The following USP31 variants were observed in gnomAD, a reference collection of about 807,000 sequenced individuals.
USP31 encodes the protein ubiquitin specific peptidase 31.
In USP31, 44 loss-of-function variants were observed where a neutral mutation model predicts 119.4. The ratio of observed to expected loss-of-function variants is 0.37; its 90% confidence interval spans 0.29 to 0.47. The LOEUF is 0.47. Among genes scored for constraint, USP31 ranks in the 20% least tolerant of loss-of-function variants. USP31 has a pLI of 0.99. For missense variants in USP31, 1,643 were observed against 1,730.2 expected, an observed-to-expected ratio of 0.95 and a Z score of 0.89; for synonymous variants, 749 against 705.6, an observed-to-expected ratio of 1.06 and a Z score of -0.97.
chr16:23,070,244 C>T (rs78804854), intron 15 of USP31, among the ~76,000 whole-genome samples: 3,778 of 152,282 alleles, frequency 0.025, 58 homozygotes, highest in African/African-American at 0.04. Context: ...CAAGATTACA[C>T]AACTCATTAA....
rs558266435 is a variant in USP31 at position 23,127,248 on chromosome 16, T to C, written c.634-19065A>G. On this transcript the variant is annotated intron_variant, in intron 1 of 15. Transcript: ENST00000219689. ...TTCGAGACCAGCCTGGGCAACATAGTGAAACAGTATCTCTACAAAAAATAA... is the reference window on the plus strand; with the variant it reads ...TTCGAGACCAGCCTGGGCAACATAGCGAAACAGTATCTCTACAAAAAATAA... Among the ~76,000 whole-genome samples the C allele has an allele frequency of 2.7e-4, 41 of 151,906 alleles. 2 individuals carry two copies. The East Asian group carries it at 7.8e-3, about 29-fold the overall frequency.
chr16:23,074,755 T>G (rs1055219415), intron 13 of USP31, among the ~76,000 whole-genome samples: 3 of 152,220 alleles, frequency 2.0e-5, no homozygotes, highest in African/African-American at 7.2e-5. Flanking sequence ...GAGCTAGAAA[T>G]AAAGAACATT....
chr16:23,116,909 G>A (rs1902502330), intron 1 of USP31, among the ~76,000 whole-genome samples: 1 of 152,330 alleles, frequency 6.6e-6, no homozygotes, highest in South Asian at 2.1e-4. Flanking sequence ...TTTGGCCACA[G>A]AGAAAAGCAT....
rs867687794 is a variant in USP31 at position 23,062,761 on chromosome 16, T to C, written c.*5285A>G. The C allele has an allele frequency of 1.3e-5, 2 of 152,594 alleles. No homozygotes were observed. Among genetic ancestry groups the C allele is most frequent in the East Asian group, 3.8e-4 (2 of 5,202 alleles). 9.5% of individuals were successfully genotyped at this position (152,594 alleles called of 1,614,324 possible). On this transcript the variant is annotated 3_prime_UTR_variant, in exon 16 of 16. Transcript: ENST00000219689. ...GGCGAGTGCTAGGCCATTCACAACA[T>C]GGTCCAAGCTCCCCAACTGGGCCTT... is the stretch of plus-strand genomic sequence containing the variant.
intron 1 of USP31, among the ~76,000 whole-genome samples, chr16:23,117,046 G>T (rs1003115528): frequency 1.3e-5 from 2 of 152,146 alleles, no homozygotes; most frequent in Non-Finnish European, 2.9e-5. Flanking sequence ...TCCCAAATTT[G>T]AAAATTCAAA....
chr16:23,139,753 T>TCATA (rs1439969546), intron 1 of USP31, among the ~76,000 whole-genome samples: 3 of 152,212 alleles, frequency 2.0e-5, no homozygotes, highest in Admixed American at 2.0e-4. Context: ...AGTGGGAAGG[T>TCATA]CATATCCTAT....
chr16:23,093,916 C>G lies in USP31; in HGVS notation c.1235-3112G>C, dbSNP rs536767331. 9.5e-4 allele frequency among the ~76,000 whole-genome samples: 145 copies of G among 152,320 alleles called. 1 individual carries two copies. The highest frequency in any genetic ancestry group is 3.4e-3 in the Middle Eastern group (1 of 294). On this transcript the variant is annotated intron_variant, in intron 6 of 15. Transcript: ENST00000219689. The stretch of plus-strand genomic sequence containing the variant: ...GAACAGGAACAGCTCTGGTCTGCAG[C>G]TCCCAGCATGATCGATGCAGAAGAT...
At chr16:23,139,328 G>A (rs142264652) in intron 1 of USP31, among the ~76,000 whole-genome samples, 123 of 152,246 alleles carry the variant, frequency 8.1e-4, no homozygotes, top group African/African-American at 2.9e-3. Flanking sequence ...CTTGAACCTA[G>A]GAGGCAGAGA....
chr16:23,069,572 T>C lies in USP31; in HGVS notation c.2533A>G (p.Ser845Gly), dbSNP rs1236242968. Residue 845 changes from serine (S) to glycine (G), a missense_variant, in exon 16 of 16, where the codon AGT becomes GGT. By Grantham distance (56) the Ser-to-Gly change is moderately conservative. Transcript: ENST00000219689. ...RPFVRSVQRQSLSSRSSVTSP... is the reference protein window; with the variant it reads ...RPFVRSVQRQGLSSRSSVTSP... ...GTGACAGAAGATCTGGATGACAAAC[T>C]CTGACGCTGGACACTTCTCACAAAT... 5 of 1,613,552 alleles carry C rather than the reference T, an allele frequency of 3.1e-6. No homozygotes were observed. The highest frequency in any genetic ancestry group is 4.2e-6 in the Non-Finnish European group (5 of 1,179,494).
intron 1 of USP31, among the ~76,000 whole-genome samples, chr16:23,119,827 G>A (rs1567242505): frequency 6.6e-6 from 1 of 152,138 alleles, no homozygotes; most frequent in South Asian, 2.1e-4. Flanking sequence ...GCTAGAGAAA[G>A]CAAACACACC....
intron 1 of USP31, among the ~76,000 whole-genome samples, chr16:23,130,010 A>T (rs1007092084): frequency 6.6e-6 from 1 of 152,184 alleles, no homozygotes; most frequent in East Asian, 1.9e-4. Context: ...GGCACTTTAC[A>T]TACATTTCTC....
At chr16:23,100,925 G>C (rs1901825538) in intron 6 of USP31, among the ~76,000 whole-genome samples, 1 of 152,098 alleles carries the variant, frequency 6.6e-6, no homozygotes, top group Admixed American at 6.6e-5. Flanking sequence ...CTGAGAAACA[G>C]AGTAACCTGA....
chr16:23,070,671 G>A (rs1223239710), intron 15 of USP31, among the ~76,000 whole-genome samples: 3 of 151,232 alleles, frequency 2.0e-5, no homozygotes, highest in South Asian at 2.1e-4. Flanking sequence ...CCGAGATCGC[G>A]CCACTACACT....
Position 23,148,680 on chromosome 16 carries a change from G to A in USP31, c.591C>T (p.Leu197=). ...TEQLAHLVRA[L]WTLEYTPQHS... ...GCTGCGGGGTGTACTCCAGGGTCCA[G>A]AGGGCCCGCACCAGGTGCGCCAGCT... The change falls in exon 1 of 16, where the codon CTC becomes CTT. Residue 197 remains leucine (L), a synonymous_variant. Transcript: ENST00000219689. 1 of 1,495,784 alleles carries A rather than the reference G, an allele frequency of 6.7e-7. No individual in the cohort carries two copies. Among genetic ancestry groups the A allele is most frequent in the East Asian group, 2.9e-5 (1 of 34,220 alleles). 92.7% of individuals were successfully genotyped at this position (1,495,784 alleles called of 1,614,324 possible). A position where few individuals can be genotyped will look rare whatever the true frequency, so the allele number is the denominator to read the frequency against.
Position 23,068,972 on chromosome 16 carries a change from C to G in USP31, c.3133G>C (p.Ala1045Pro). 1.2e-6 allele frequency: 2 copies of G among 1,614,196 alleles called. No individual in the cohort carries two copies. Among genetic ancestry groups the G allele is most frequent in the Non-Finnish European group, 8.5e-7 (1 of 1,180,040 alleles). The change falls in exon 16 of 16, where the codon GCC (alanine) becomes CCC (proline). Residue 1045 changes from alanine (A) to proline (P), a missense_variant. Ala to Pro is a conservative substitution (Grantham distance 27). This residue lies in a region of USP31 where 699 missense variants were observed against 650.9 expected (regional missense o/e 1.07). Coordinates refer to ENST00000219689, the MANE Select transcript of USP31 (RefSeq NM_020718.4). The stretch of plus-strand genomic sequence containing the variant: ...AGGGATGACTCCTGGCTTGCCAAGG[C>G]TGGTCTCCCCTTCCGCAAGCTTTTC... Reference protein sequence around the residue: ...PEKSLRKGRPALASQESSLSS... With the variant: ...PEKSLRKGRPPLASQESSLSS...
At chr16:23,139,856 T>A (rs1320376924) in intron 1 of USP31, among the ~76,000 whole-genome samples, 2 of 152,216 alleles carry the variant, frequency 1.3e-5, no homozygotes, top group African/African-American at 2.4e-5. Context: ...TCAATTTCTA[T>A]CAGCTATTAA....
intron 1 of USP31, among the ~76,000 whole-genome samples, chr16:23,125,492 A>C (rs1902824837): frequency 6.6e-6 from 1 of 152,198 alleles, no homozygotes. Context: ...AGCTGGATAT[A>C]AAATAAAAAG....
rs113946424 is a variant in USP31 at position 23,067,913 on chromosome 16, T to TCACACACACA, written c.*123_*132dup. 328 of 1,018,042 alleles carry TCACACACACA rather than the reference T, an allele frequency of 3.2e-4. No individual in the cohort carries two copies. The African/African-American group carries it at 4.0e-3, about 12-fold the overall frequency. 63.1% of individuals were successfully genotyped at this position (1,018,042 alleles called of 1,614,324 possible). On this transcript the variant is annotated 3_prime_UTR_variant, in exon 16 of 16. Transcript: ENST00000219689. ...GAATTAGACACACACACGCATACAC[T>TCACACACACA]CACACACACACACACAGTCGGGCAC... is the stretch of plus-strand genomic sequence containing the variant.
chr16:23,101,970 TAAAAAAAAAAAAAA>T (rs34773118), intron 6 of USP31, among the ~76,000 whole-genome samples: 2 of 85,530 alleles, frequency 2.3e-5, no homozygotes, highest in East Asian at 3.5e-4. Flanking sequence ...TAGCAAAATT[TAAAAAAAAAAAAAA>T]AAAAAAAAAA....
Sources: allele counts gnomAD v4.1 joint callset (sites outside exome capture counted in the v4.1 genomes callset), GRCh38; gene constraint gnomAD v4.1.1; regional missense constraint gnomAD v4.1.1; transcripts MANE v1.5; gene names NCBI Gene and HGNC (gene_info 2026-07-23, HGNC 2026-07-21).